The following DLC1 variants were observed in gnomAD, a reference collection of about 807,000 sequenced individuals.
DLC1 encodes rho GTPase-activating protein 7.
DLC1 carries 54 observed loss-of-function variants against 140.3 expected under a neutral mutation model. The observed-to-expected ratio is 0.38, with a 90% confidence interval of 0.31 to 0.48. The LOEUF is 0.48. Among genes scored for constraint, DLC1 ranks in the 20% least tolerant of loss-of-function variants. The probability of loss-of-function intolerance (pLI) is 0.96; values close to 1 mark genes in which losing one functional copy is unlikely to be tolerated. For synonymous variants in DLC1, 986 were observed against 728.1 expected, an observed-to-expected ratio of 1.35 and a Z score of -5.70; for missense variants, 2,536 against 1,907.0, an observed-to-expected ratio of 1.33 and a Z score of -6.14.
intron 5 of DLC1, among the ~76,000 whole-genome samples, chr8:13,165,138 C>T (rs1825018125): frequency 6.6e-6 from 1 of 152,052 alleles, no homozygotes; most frequent in Admixed American, 6.6e-5. Flanking sequence ...AGCAAGTATA[C>T]CTTTTAGTAT....
At chr8:13,464,281 T>G (rs985577373) in intron 2 of DLC1, among the ~76,000 whole-genome samples, 8 of 152,198 alleles carry the variant, frequency 5.3e-5, no homozygotes, top group African/African-American at 1.9e-4. Context: ...TAGCTACTCT[T>G]TATTTCTTTC....
intron 5 of DLC1, among the ~76,000 whole-genome samples, chr8:13,146,807 T>A (rs1381044234): frequency 6.6e-6 from 1 of 152,198 alleles, no homozygotes; most frequent in Non-Finnish European, 1.5e-5. Flanking sequence ...AACCAGGAAA[T>A]TTAATTTAGA....
intron 1 of DLC1, among the ~76,000 whole-genome samples, chr8:13,526,062 C>T (rs1802914060): frequency 6.6e-6 from 1 of 152,028 alleles, no homozygotes; most frequent in African/African-American, 2.4e-5. Flanking sequence ...GTTCCAAAAC[C>T]ATTTGTGACA....
intron 1 of DLC1, chr8:13,557,971 G>A (rs1451901860): frequency 1.3e-5 from 2 of 152,156 alleles, no homozygotes; most frequent in African/African-American, 4.8e-5. Context: ...AAGGAAAAAT[G>A]TTACATATTG....
intron 2 of DLC1, among the ~76,000 whole-genome samples, chr8:13,493,750 C>T (rs60646219): frequency 0.26 from 39,088 of 151,924 alleles, 6,347 homozygotes; most frequent in Middle Eastern, 0.38. Flanking sequence ...AGTCAGCCTC[C>T]TACTTTGGTT....
At chr8:13,304,066 C>G (rs1006765996) in intron 5 of DLC1, among the ~76,000 whole-genome samples, 6 of 152,064 alleles carry the variant, frequency 3.9e-5, no homozygotes, top group African/African-American at 1.2e-4. Flanking sequence ...CTGTTATATA[C>G]TTTGTTTAAA....
chr8:13,530,491 G>A (rs1803059964), intron 1 of DLC1, among the ~76,000 whole-genome samples: 1 of 152,100 alleles, frequency 6.6e-6, no homozygotes, highest in South Asian at 2.1e-4. Context: ...GTGTTTCTTG[G>A]CTTTGCTGTG....
intron 5 of DLC1, chr8:13,214,676 A>G (rs1260458483): frequency 2.3e-5 from 18 of 780,688 alleles, no homozygotes; most frequent in Admixed American, 6.8e-5. Context: ...TTCTGGGGAA[A>G]GGTGTAAGGA....
At chr8:13,151,998 C>A (rs34679071) in intron 5 of DLC1, among the ~76,000 whole-genome samples, 53,892 of 151,966 alleles carry the variant, frequency 0.35, 10,033 homozygotes, top group East Asian at 0.53. Context: ...TGGTTGTGTT[C>A]TATCTATTGC....
At chr8:13,565,642 G>C (rs138823868) in intron 1 of DLC1, among the ~76,000 whole-genome samples, 8 of 152,188 alleles carry the variant, frequency 5.3e-5, no homozygotes, top group African/African-American at 1.9e-4. Flanking sequence ...AACATTTGGG[G>C]AATATATCTG....
In DLC1 at chr8:13,592,106, C is replaced by G. The variant is rs200976958; in HGVS notation, c.-126+12431G>C. ...TTCAAACATAGGGCCCCAGGACAGT[C>G]CAGCGTTTAGAATTTAAAGAGAGCA... On this transcript the variant is annotated intron_variant, in intron 1 of 1. Coordinates refer to the DLC1 transcript ENST00000631382. Among the ~76,000 whole-genome samples, 25 of 151,936 alleles carry G rather than the reference C, an allele frequency of 1.6e-4. 1 individual carries two copies. In the East Asian group the frequency reaches 4.9e-3, roughly 30 times the overall value.
At chr8:13,569,013 T>C (rs1483467270) in intron 1 of DLC1, among the ~76,000 whole-genome samples, 3 of 152,216 alleles carry the variant, frequency 2.0e-5, no homozygotes, top group African/African-American at 7.2e-5. Context: ...ATTATCTAGA[T>C]AGCCATTTTG....
intron 4 of DLC1, among the ~76,000 whole-genome samples, chr8:13,378,585 C>T (rs187392878): frequency 6.7e-4 from 102 of 152,208 alleles, no homozygotes; most frequent in South Asian, 1.7e-3. Context: ...AATTATTTCA[C>T]TTATTTACAA....
At chr8:13,398,997 C>G (rs1362304820) in intron 3 of DLC1, among the ~76,000 whole-genome samples, 1 of 152,034 alleles carries the variant, frequency 6.6e-6, no homozygotes, top group African/African-American at 2.4e-5. Flanking sequence ...GAATAGCCAC[C>G]TTGAAATGTG....
At chr8:13,585,468 G>A (rs1266403335) in intron 1 of DLC1, among the ~76,000 whole-genome samples, 1 of 152,156 alleles carries the variant, frequency 6.6e-6, no homozygotes, top group African/African-American at 2.4e-5. Context: ...AAACCACAGG[G>A]TAGCAGCCCT....
intron 5 of DLC1, among the ~76,000 whole-genome samples, chr8:13,301,077 G>A (rs989453318): frequency 2.6e-4 from 39 of 152,272 alleles, no homozygotes; most frequent in East Asian, 1.2e-3. Context: ...TTGGTAGATA[G>A]GATCTGATGA....
rs762681464 is a variant in DLC1 at position 13,458,819 on chromosome 8, T to C, written c.1023+40230A>G. Reference sequence around the variant, plus strand: ...ATCTAAAAAACCAAGCCCACAGTCTTTCTTCATTTGGAAAAAAAAAAAGAT... The same window carrying C: ...ATCTAAAAAACCAAGCCCACAGTCTCTCTTCATTTGGAAAAAAAAAAAGAT... On this transcript the variant is annotated intron_variant, in intron 2 of 17. Coordinates refer to ENST00000276297, the MANE Select transcript of DLC1 (RefSeq NM_182643.3). Among the ~76,000 whole-genome samples the C allele has an allele frequency of 3.5e-5, 5 of 142,344 alleles. No homozygotes were observed. The Admixed American group carries it at 3.5e-4, about 10-fold the overall frequency. The allele number at this position is 142,344 out of a possible 152,430, so 93.4% of individuals were successfully genotyped here. A position where few individuals can be genotyped will look rare whatever the true frequency, so the allele number is the denominator to read the frequency against.
intron 5 of DLC1, among the ~76,000 whole-genome samples, chr8:13,176,193 A>G (rs1344354825): frequency 6.6e-6 from 1 of 152,138 alleles, no homozygotes; most frequent in Non-Finnish European, 1.5e-5. Flanking sequence ...TTTTTATTAC[A>G]TTTTTCATTT....
In DLC1 at chr8:13,100,439, T is replaced by C; in HGVS notation, c.1898A>G (p.Asn633Ser). Residue 633 changes from asparagine (N) to serine (S), a missense_variant, in exon 9 of 18, where the codon AAT becomes AGT. Coordinates refer to ENST00000276297, the MANE Select transcript of DLC1 (RefSeq NM_182643.3). The part of the protein sequence containing the change: ...SVCSSSNLAG[N>S]DDSFGSLPSP... ...GGGCAGGCTGCCGAAAGAGTCGTCA[T>C]TGCCTGCCAAGTTGCTGGAGGAGCA... The C allele has an allele frequency of 1.2e-6, 2 of 1,614,022 alleles. No individual in the cohort carries two copies. Among genetic ancestry groups the C allele is most frequent in the Middle Eastern group, 1.6e-4 (1 of 6,062 alleles).
Sources: allele counts gnomAD v4.1 joint callset (sites outside exome capture counted in the v4.1 genomes callset), GRCh38; gene constraint gnomAD v4.1.1; transcripts MANE v1.5; gene names NCBI Gene and HGNC (gene_info 2026-07-23, HGNC 2026-07-21).